The following PTPRT variants were observed in gnomAD, a reference collection of about 807,000 sequenced individuals.
PTPRT encodes protein tyrosine phosphatase receptor type T.
In PTPRT, 56 loss-of-function variants were observed where a neutral mutation model predicts 176.8. The observed-to-expected ratio is 0.32, with a 90% confidence interval of 0.26 to 0.40. The LOEUF is 0.40. Among genes scored for constraint, PTPRT ranks in the 10% least tolerant of loss-of-function variants. PTPRT has a pLI of 1.00. For synonymous variants in PTPRT, 783 were observed against 739.0 expected, an observed-to-expected ratio of 1.06 and a Z score of -0.96; for missense variants, 1,540 against 1,908.2, an observed-to-expected ratio of 0.81 and a Z score of 3.60.
chr20:42,136,138 C>T (rs551715512), intron 18 of PTPRT, among the ~76,000 whole-genome samples: 5 of 151,402 alleles, frequency 3.3e-5, no homozygotes, highest in African/African-American at 1.2e-4. Flanking sequence ...GAGAGAATCA[C>T]TTCAAAGAGG....
At chr20:42,836,842 T>C (rs2145712069) in intron 2 of PTPRT, among the ~76,000 whole-genome samples, 1 of 152,342 alleles carries the variant, frequency 6.6e-6, no homozygotes, top group Middle Eastern at 3.4e-3. Flanking sequence ...GTGCTAAGTA[T>C]TTTATGTTCA....
At chr20:42,170,019 G>A (rs1199357411) in intron 16 of PTPRT, among the ~76,000 whole-genome samples, 2 of 152,274 alleles carry the variant, frequency 1.3e-5, no homozygotes, top group Admixed American at 1.3e-4. Flanking sequence ...AGGCTTCTAG[G>A]AAAGGTTCTC....
chr20:42,128,689 G>A lies in PTPRT; in HGVS notation c.2847+65C>T, dbSNP rs952493202. On this transcript the variant is annotated intron_variant, in intron 19 of 30. Coordinates refer to ENST00000373187, the MANE Select transcript of PTPRT (RefSeq NM_007050.6). ...GGCCACCTTCTGGAGGAGAGTTTGGGGTAAACCACAGATCTTGAGCCTGCA... is the reference window on the plus strand; with the variant it reads ...GGCCACCTTCTGGAGGAGAGTTTGGAGTAAACCACAGATCTTGAGCCTGCA... 5 of 1,400,702 alleles carry A rather than the reference G, an allele frequency of 3.6e-6. No individual in the cohort carries two copies. In the African/African-American group the frequency reaches 4.4e-5, roughly 12 times the overall value. The allele number at this position is 1,400,702 out of a possible 1,614,324, so 86.8% of individuals were successfully genotyped here. A position where few individuals can be genotyped will look rare whatever the true frequency, so the allele number is the denominator to read the frequency against.
At chr20:42,603,220 G>C (rs370035287) in intron 7 of PTPRT, among the ~76,000 whole-genome samples, 26 of 152,210 alleles carry the variant, frequency 1.7e-4, no homozygotes, top group African/African-American at 5.8e-4. Flanking sequence ...CAGGAGATAC[G>C]AGTGATGTAG....
chr20:42,598,803 C>T (rs138156657), intron 7 of PTPRT, among the ~76,000 whole-genome samples: 1 of 152,160 alleles, frequency 6.6e-6, no homozygotes, highest in African/African-American at 2.4e-5. Flanking sequence ...CTTAACAGTG[C>T]CTTCTATTGT....
chr20:42,696,455 A>ATGATTTTTTATT lies in PTPRT; in HGVS notation c.860-18297_860-18296insAATAAAAAATCA, dbSNP rs141605241. Among the ~76,000 whole-genome samples, 703 of 146,932 alleles carry ATGATTTTTTATT rather than the reference A, an allele frequency of 4.8e-3. 11 individuals are homozygous for ATGATTTTTTATT. In the East Asian group the frequency reaches 0.05, roughly 10 times the overall value. ...CTAAAGCCTTCCAATAGCCACATGA[A>ATGATTTTTTATT]TTATTTTTTTTTTTTTTTGAGACAG... On this transcript the variant is annotated intron_variant, in intron 6 of 30. Transcript: ENST00000373187.
rs1983215205 is a variant in PTPRT, at chr20:42,080,495, GAGA to G, written c.*381_*383del. The G allele has an allele frequency of 3.8e-6, 1 of 265,188 alleles. No homozygotes were observed. The highest frequency in any genetic ancestry group is 7.2e-6 in the Non-Finnish European group (1 of 138,466). 16.4% of individuals were successfully genotyped at this position (265,188 alleles called of 1,614,324 possible). A position where few individuals can be genotyped will look rare whatever the true frequency, so the allele number is the denominator to read the frequency against. ...AACACACATCTCCTCCACTCCTAAG[GAGA>G]AGGAGGGCAGGGGAGCCTCCCACTC... is the stretch of plus-strand genomic sequence containing the variant. On this transcript the variant is annotated 3_prime_UTR_variant, in exon 31 of 31. Transcript: ENST00000373187.
At chr20:42,054,265 C>T in the PTPRT span, among the ~76,000 whole-genome samples, 2 of 152,174 alleles carry the variant, frequency 1.3e-5, no homozygotes, top group African/African-American at 4.8e-5. Context: ...TCTCCACTCA[C>T]TGGGGTGAGG....
At chr20:43,151,502 GA>G (rs1018641288) in intron 1 of PTPRT, among the ~76,000 whole-genome samples, 6 of 152,086 alleles carry the variant, frequency 3.9e-5, no homozygotes, top group Non-Finnish European at 7.4e-5. Flanking sequence ...CTCCAGATAT[GA>G]ATAAACAAAC....
the PTPRT span, among the ~76,000 whole-genome samples, chr20:42,035,613 C>T: frequency 1.3e-5 from 2 of 152,260 alleles, no homozygotes; most frequent in East Asian, 1.9e-4. Context: ...CCACAATCCC[C>T]AAGCAGATGC....
At chr20:42,614,589 C>A (rs1254394419) in intron 7 of PTPRT, among the ~76,000 whole-genome samples, 2 of 152,112 alleles carry the variant, frequency 1.3e-5, no homozygotes, top group Non-Finnish European at 2.9e-5. Flanking sequence ...TCACCATGCT[C>A]CTCTATTCCC....
chr20:42,312,383 C>A (rs1169257424), intron 12 of PTPRT, among the ~76,000 whole-genome samples: 2 of 152,170 alleles, frequency 1.3e-5, no homozygotes, highest in African/African-American at 4.8e-5. Context: ...GTCTGCTGCC[C>A]TTTATGATAT....
Position 42,922,211 on chromosome 20 carries a change from G to T in PTPRT, c.89-36279C>A, listed in dbSNP as rs556819401. On this transcript the variant is annotated intron_variant, in intron 1 of 30. Coordinates refer to ENST00000373187, the MANE Select transcript of PTPRT (RefSeq NM_007050.6). ...GGCCTCCCAAAGTACTGAGACTACAGTTGTGAGCCACCGCGCCTGGCCCTC... is the reference window on the plus strand; with the variant it reads ...GGCCTCCCAAAGTACTGAGACTACATTTGTGAGCCACCGCGCCTGGCCCTC... 4.7e-3 allele frequency among the ~76,000 whole-genome samples: 721 copies of T among 152,280 alleles called. 3 individuals carry two copies. Among genetic ancestry groups the T allele is most frequent in the African/African-American group, 0.016 (667 of 41,552 alleles).
At chr20:42,633,990 TTA>T (rs1185807009) in intron 7 of PTPRT, among the ~76,000 whole-genome samples, 8 of 22,588 alleles carry the variant, frequency 3.5e-4, no homozygotes, top group African/African-American at 1.7e-3. Context: ...ATATATTATA[TTA>T]TATATATTAT....
chr20:42,622,401 C>T (rs6102956), intron 7 of PTPRT, among the ~76,000 whole-genome samples: 32,106 of 151,918 alleles, frequency 0.21, 4,755 homozygotes, highest in African/African-American at 0.42. Flanking sequence ...GCCAACATGC[C>T]GGCTAATTTT....
chr20:42,850,493 G>A (rs2078449521), intron 2 of PTPRT, among the ~76,000 whole-genome samples: 1 of 152,224 alleles, frequency 6.6e-6, no homozygotes, highest in African/African-American at 2.4e-5. Context: ...TAAGGATGGA[G>A]GCATTTTATT....
chr20:42,912,911 G>T (rs1445893949), intron 1 of PTPRT, among the ~76,000 whole-genome samples: 2 of 152,070 alleles, frequency 1.3e-5, no homozygotes, highest in African/African-American at 2.4e-5. Flanking sequence ...AATTATTATG[G>T]ATCTGAACAT....
rs560774355 is a variant in PTPRT at position 42,870,725 on chromosome 20, A to G, written c.214+15082T>C. Among the ~76,000 whole-genome samples, 6 of 152,344 alleles carry G rather than the reference A, an allele frequency of 3.9e-5. No individual in the cohort carries two copies. In the South Asian group the frequency reaches 1.0e-3, roughly 26 times the overall value. ...TTCTATTTCAAGAACTGGGATTGCT[A>G]GATCATATGGTGGTTCTATTTTTTA... is the stretch of plus-strand genomic sequence containing the variant. On this transcript the variant is annotated intron_variant, in intron 2 of 30. Transcript: ENST00000373187.
At chr20:42,708,695 A>G (rs2076098227) in intron 6 of PTPRT, among the ~76,000 whole-genome samples, 1 of 152,194 alleles carries the variant, frequency 6.6e-6, no homozygotes, top group Non-Finnish European at 1.5e-5. Flanking sequence ...GTTGCTTAAC[A>G]TTCTGTGGCC....
Sources: gnomAD v4.1 joint callset for allele counts (sites outside exome capture counted in the v4.1 genomes callset) on GRCh38, gnomAD v4.1.1 for gene constraint, MANE v1.5 for transcripts, NCBI Gene and HGNC (gene_info 2026-07-23, HGNC 2026-07-21) for gene names.